Variants in PFDN1 observed in about 807,000 individuals in gnomAD.
PFDN1 encodes the protein prefoldin subunit 1.
In PFDN1, 6 loss-of-function variants were observed where a neutral mutation model predicts 17.3. That is an observed-to-expected ratio of 0.35 (90% CI 0.19 to 0.69). The LOEUF (loss-of-function observed/expected upper bound fraction) is 0.69. Ranked by LOEUF, PFDN1 falls within the 30% of genes least tolerant of loss-of-function variation. PFDN1 has a pLI of 0.65. For missense variants in PFDN1, 113 were observed against 146.2 expected (o/e 0.77, Z 1.17); for synonymous variants, 58 against 50.1 (o/e 1.16, Z -0.67).
intron 3 of PFDN1, among the ~76,000 whole-genome samples, chr5:140,258,833 T>G (rs1002605158): frequency 6.6e-6 from 1 of 152,098 alleles, no homozygotes; most frequent in Non-Finnish European, 1.5e-5. Context: ...CTGTGAGACA[T>G]CCAAATGAGA....
intron 3 of PFDN1, 86 bp downstream of exon 3, chr5:140,281,363 G>C: frequency 1.5e-6 from 1 of 666,728 alleles, no homozygotes; most frequent in Non-Finnish European, 2.7e-6. Context: ...TACTTTGGCA[G>C]GCAGGCATAC....
intron 2 of PFDN1, among the ~76,000 whole-genome samples, chr5:140,298,413 T>C (rs1055655007): frequency 6.6e-6 from 1 of 151,906 alleles, no homozygotes; most frequent in Non-Finnish European, 1.5e-5. Flanking sequence ...ATGGTCTACT[T>C]ACTAAGTAAT....
In PFDN1 at chr5:140,245,383, AG is replaced by A. The variant is rs1286362165; in HGVS notation, c.*590del. 1.7e-5 allele frequency: 12 copies of A among 690,518 alleles called. No individual in the cohort carries two copies. The highest frequency in any genetic ancestry group is 3.2e-5 in the Non-Finnish European group (12 of 378,428). The allele number at this position is 690,518 out of a possible 1,614,324, so 42.8% of individuals were successfully genotyped here. A position where few individuals can be genotyped will look rare whatever the true frequency, so the allele number is the denominator to read the frequency against. ...GGAATCTTTAGGCAGACTGCCATCC[AG>A]GGACTGCTATTCTGTTCACTGAGAT... is the stretch of plus-strand genomic sequence containing the variant. On this transcript the variant is annotated 3_prime_UTR_variant, in exon 4 of 4. Coordinates refer to ENST00000261813, the MANE Select transcript of PFDN1 (RefSeq NM_002622.5).
intron 3 of PFDN1, chr5:140,265,614 G>T (rs1442425174): frequency 4.0e-5 from 6 of 151,666 alleles, no homozygotes. Flanking sequence ...TAGTTTTGGG[G>T]GAAAAAAAAA....
At chr5:140,256,338 C>T (rs181705789) in intron 3 of PFDN1, among the ~76,000 whole-genome samples, 1 of 152,112 alleles carries the variant, frequency 6.6e-6, no homozygotes, top group African/African-American at 2.4e-5. Flanking sequence ...TGAGATCAAG[C>T]CACTGTACTC....
At chr5:140,287,156 T>C (rs559971675) in intron 2 of PFDN1, among the ~76,000 whole-genome samples, 1 of 152,338 alleles carries the variant, frequency 6.6e-6, no homozygotes, top group Non-Finnish European at 1.5e-5. Flanking sequence ...CAAACAATTC[T>C]GAAATTGCTT....
chr5:140,296,284 G>T (rs567086410), intron 2 of PFDN1, among the ~76,000 whole-genome samples: 1 of 151,990 alleles, frequency 6.6e-6, no homozygotes, highest in Non-Finnish European at 1.5e-5. Context: ...CCAGAAAAAA[G>T]AATCAGATTC....
At chr5:140,298,231 C>T (rs1279533461) in intron 2 of PFDN1, among the ~76,000 whole-genome samples, 1 of 151,942 alleles carries the variant, frequency 6.6e-6, no homozygotes, top group African/African-American at 2.4e-5. Flanking sequence ...AATTCTGAAC[C>T]ATAAAGATAT....
intron 2 of PFDN1, among the ~76,000 whole-genome samples, chr5:140,294,035 A>T (rs1277441062): frequency 1.3e-5 from 2 of 152,078 alleles, no homozygotes; most frequent in African/African-American, 4.8e-5. Context: ...TCTTTCTTCA[A>T]GTAAAATCTA....
intron 3 of PFDN1, among the ~76,000 whole-genome samples, chr5:140,259,437 C>A (rs1434912834): frequency 6.6e-6 from 1 of 152,220 alleles, no homozygotes; most frequent in Non-Finnish European, 1.5e-5. Flanking sequence ...ATATACATTA[C>A]TTTTCTTCTG....
intron 3 of PFDN1, among the ~76,000 whole-genome samples, chr5:140,252,773 A>G (rs1764932780): frequency 6.6e-6 from 1 of 152,196 alleles, no homozygotes; most frequent in Non-Finnish European, 1.5e-5. Flanking sequence ...AAAAAAGGCA[A>G]CAAGAGGACA....
chr5:140,268,467 G>A (rs944327588), intron 3 of PFDN1, among the ~76,000 whole-genome samples: 2 of 152,132 alleles, frequency 1.3e-5, no homozygotes, highest in Admixed American at 6.6e-5. Flanking sequence ...GGCCAACGTG[G>A]TGAAACCCCA....
chr5:140,247,784 T>A (rs557509862), intron 3 of PFDN1, among the ~76,000 whole-genome samples: 1 of 152,044 alleles, frequency 6.6e-6, no homozygotes, highest in East Asian at 2.0e-4. Context: ...ACAAAAAAAT[T>A]AGACAGGTGT....
chr5:140,291,951 C>T (rs1396139410), intron 2 of PFDN1, among the ~76,000 whole-genome samples: 1 of 152,138 alleles, frequency 6.6e-6, no homozygotes, highest in Non-Finnish European at 1.5e-5. Context: ...CCCATACAAG[C>T]GTTCCTTGTT....
At position 140,269,716 on chromosome 5, in the gene PFDN1, C is replaced by T. The variant is rs186046261; in HGVS notation, c.285+11733G>A. ...TTTTCATTTTAAGGGGGCATTTTTG[C>T]TCCTAAAATGGAAACTCAGAAAAAG... On this transcript the variant is annotated intron_variant, in intron 3 of 3. Coordinates refer to ENST00000261813, the MANE Select transcript of PFDN1 (RefSeq NM_002622.5). 2.6e-3 allele frequency among the ~76,000 whole-genome samples: 392 copies of T among 152,192 alleles called. 1 individual carries two copies. The highest frequency in any genetic ancestry group is 6.8e-3 in the Middle Eastern group (2 of 294).
At chr5:140,288,193 A>G (rs1258533216) in intron 2 of PFDN1, among the ~76,000 whole-genome samples, 1 of 152,272 alleles carries the variant, frequency 6.6e-6, no homozygotes, top group East Asian at 1.9e-4. Flanking sequence ...ATAAACTGTC[A>G]GTACATCCAT....
At chr5:140,250,601 C>T (rs1413813327) in intron 3 of PFDN1, among the ~76,000 whole-genome samples, 1 of 152,164 alleles carries the variant, frequency 6.6e-6, no homozygotes, top group African/African-American at 2.4e-5. Context: ...TCACCTGATA[C>T]GGTCCTACCG....
intron 2 of PFDN1, among the ~76,000 whole-genome samples, chr5:140,284,991 T>C (rs959957570): frequency 3.1e-4 from 47 of 152,344 alleles, no homozygotes; most frequent in Admixed American, 3.0e-3. Context: ...TCCACTTTCT[T>C]ATAACTCAGT....
At chr5:140,283,233 C>T (rs917030988) in intron 2 of PFDN1, among the ~76,000 whole-genome samples, 16 of 152,132 alleles carry the variant, frequency 1.1e-4, no homozygotes, top group African/African-American at 3.9e-4. Context: ...GCGGCCAGCC[C>T]AGATAATTTT....
Sources: allele counts gnomAD v4.1 joint callset (sites outside exome capture counted in the v4.1 genomes callset), GRCh38; gene constraint gnomAD v4.1.1; transcripts MANE v1.5; gene names NCBI Gene and HGNC (gene_info 2026-07-23, HGNC 2026-07-21).